Variants in H2BC13 observed in about 807,000 individuals in gnomAD.
The protein encoded by H2BC13 is H2B clustered histone 13.
H2BC13 carries 12 observed loss-of-function variants against 6.3 expected under a neutral mutation model. The observed-to-expected ratio is 1.90, with a 90% CI of 1.22 to 3.08. The LOEUF (loss-of-function observed/expected upper bound fraction) is 3.08. H2BC13 is among the 30% of genes most tolerant of loss of function. The pLI, the probability that H2BC13 is intolerant of heterozygous loss-of-function variation, is 0.00. For missense variants in H2BC13, 164 were observed against 170.4 expected (o/e 0.96, Z 0.21); for synonymous variants, 109 against 74.3 (o/e 1.47, Z -2.40).
rs1760455429 is a variant in H2BC13 at position 27,807,535 on chromosome 6, G to A, written c.372C>T (p.Ser124=). The part of the protein sequence containing the change: ...EGTKAVTKYT[S]SK ...ACAAGAGCTTGAGAATTTACTTGGAGCTGGTGTACTTGGTGACGGCCTTGG... is the reference window on the plus strand; with the variant it reads ...ACAAGAGCTTGAGAATTTACTTGGAACTGGTGTACTTGGTGACGGCCTTGG... The change falls in exon 1 of 1, where the codon AGC becomes AGT. Residue 124 remains serine (S), a synonymous_variant. Coordinates refer to ENST00000377401, the MANE Select transcript of H2BC13 (RefSeq NM_003519.4). The A allele has an allele frequency of 6.2e-7, 1 of 1,614,196 alleles. No homozygotes were observed. Among genetic ancestry groups the A allele is most frequent in the Non-Finnish European group, 8.5e-7 (1 of 1,180,030 alleles).
At position 27,807,526 on chromosome 6, in the gene H2BC13, T is replaced by G; in HGVS notation, c.381A>C (p.Ter127TyrextTer?). ...KAVTKYTSSK[*>Y] Reference sequence around the variant, plus strand: ...TTGGGTTGGACAAGAGCTTGAGAATTTACTTGGAGCTGGTGTACTTGGTGA... The same window carrying G: ...TTGGGTTGGACAAGAGCTTGAGAATGTACTTGGAGCTGGTGTACTTGGTGA... The change falls in exon 1 of 1, where the codon TAA becomes TAC. Residue 127 changes from the stop codon to tyrosine (Y), a stop_lost. Transcript: ENST00000377401. 6.2e-7 allele frequency: 1 copy of G among 1,614,038 alleles called. No homozygotes were observed. The highest frequency in any genetic ancestry group is 2.2e-5 in the East Asian group (1 of 44,890).
At position 27,807,524 on chromosome 6, in the gene H2BC13, A is replaced by AT. The variant is rs746973204; in HGVS notation, c.*1dup. 1.2e-6 allele frequency: 2 copies of AT among 1,613,688 alleles called. No individual in the cohort carries two copies. The highest frequency in any genetic ancestry group is 8.5e-7 in the Non-Finnish European group (1 of 1,179,776). On this transcript the variant is annotated 3_prime_UTR_variant, in exon 1 of 1. Coordinates refer to ENST00000377401, the MANE Select transcript of H2BC13 (RefSeq NM_003519.4). ...CTTTGGGTTGGACAAGAGCTTGAGA[A>AT]TTTACTTGGAGCTGGTGTACTTGGT...
chr6:27,807,909 T>A lies in H2BC13; in HGVS notation c.-3A>T, dbSNP rs1046478297. 6.2e-7 allele frequency: 1 copy of A among 1,613,740 alleles called. No homozygotes were observed. Among genetic ancestry groups the A allele is most frequent in the African/African-American group, 1.3e-5 (1 of 74,856 alleles). ...GCAGACTTGGCCAGCTCGGGCATAA[T>A]GAAACAATAGTGGCAAAACCAAAAC... On this transcript the variant is annotated 5_prime_UTR_variant, in exon 1 of 1. Transcript: ENST00000377401.
At position 27,807,901 on chromosome 6, in the gene H2BC13, G is replaced by C. The variant is rs778250099; in HGVS notation, c.6C>G (p.Pro2=). The C allele has an allele frequency of 4.3e-6, 7 of 1,613,980 alleles. No individual in the cohort carries two copies. Among genetic ancestry groups the C allele is most frequent in the East Asian group, 2.2e-5 (1 of 44,876 alleles). The change falls in exon 1 of 1, where the codon CCC becomes CCG. Residue 2 remains proline (P), a synonymous_variant. Transcript: ENST00000377401. M[P]ELAKSAPAPK... is the part of the protein sequence containing the mutation. ...GGGCGGGAGCAGACTTGGCCAGCTC[G>C]GGCATAATGAAACAATAGTGGCAAA...
rs755169326 is a variant in H2BC13, at chr6:27,807,921, G to T, written c.-15C>A. 1.9e-6 allele frequency: 3 copies of T among 1,611,536 alleles called. No homozygotes were observed. In the Admixed American group the frequency reaches 5.1e-5, roughly 27 times the overall value. On this transcript the variant is annotated 5_prime_UTR_variant, in exon 1 of 1. Coordinates refer to ENST00000377401, the MANE Select transcript of H2BC13 (RefSeq NM_003519.4). ...AGCTCGGGCATAATGAAACAATAGT[G>T]GCAAAACCAAAACAAGAAGTCGGTC...
rs148711105 is a variant in H2BC13, at chr6:27,807,869, T to C, written c.38A>G (p.Lys13Arg). 1.5e-5 allele frequency: 25 copies of C among 1,614,070 alleles called. No individual in the cohort carries two copies. The African/African-American group carries it at 2.8e-4, about 18-fold the overall frequency. The change falls in exon 1 of 1, where the codon AAG (lysine) becomes AGG (arginine). Residue 13 changes from lysine (K) to arginine (R), a missense_variant. By Grantham distance (26) the Lys-to-Arg change is conservative (BLOSUM62 2). Coordinates refer to ENST00000377401, the MANE Select transcript of H2BC13 (RefSeq NM_003519.4). ...CTTGGTCACCGCCTTCTTGGAGCCCTTCTTCGGGGCGGGAGCAGACTTGGC... is the reference window on the plus strand; with the variant it reads ...CTTGGTCACCGCCTTCTTGGAGCCCCTCTTCGGGGCGGGAGCAGACTTGGC... Reference protein sequence around the residue: ...ELAKSAPAPKKGSKKAVTKAQ... With the variant: ...ELAKSAPAPKRGSKKAVTKAQ...
Position 27,807,647 on chromosome 6 carries a change from C to T in H2BC13, c.260G>A (p.Arg87His), listed in dbSNP as rs1561922501. The change falls in exon 1 of 1, where the codon CGC becomes CAC. Residue 87 changes from arginine to histidine, a missense_variant. Physicochemically the swap from Arg to His is conservative, Grantham distance 29. Transcript: ENST00000377401. ...GATCTCCCTGGAGGTGATGGTCGAG[C>T]GCTTGTTGTAGTGCGCCAGGCGGGA... The part of the protein sequence containing the change: ...EASRLAHYNK[R>H]STITSREIQT... The T allele has an allele frequency of 1.2e-6, 2 of 1,614,192 alleles. No individual in the cohort carries two copies. Among genetic ancestry groups the T allele is most frequent in the African/African-American group, 1.3e-5 (1 of 75,054 alleles).
At position 27,807,923 on chromosome 6, in the gene H2BC13, C is replaced by T; in HGVS notation, c.-17G>A. ...CTCGGGCATAATGAAACAATAGTGG[C>T]AAAACCAAAACAAGAAGTCGGTCTC... On this transcript the variant is annotated 5_prime_UTR_variant, in exon 1 of 1. Transcript: ENST00000377401. 6.2e-7 allele frequency: 1 copy of T among 1,611,588 alleles called. No individual in the cohort carries two copies. The highest frequency in any genetic ancestry group is 8.5e-7 in the Non-Finnish European group (1 of 1,179,194).
rs144303836 is a variant in H2BC13, at chr6:27,807,830, T to C, written c.77A>G (p.Asp26Gly). ...GCGGCTGCGCTTGCGCTTCTTGCCA[T>C]CCTTCTTCTGGGCCTTGGTCACCGC... ...KKAVTKAQKKDGKKRKRSRKE... is the reference protein window; with the variant it reads ...KKAVTKAQKKGGKKRKRSRKE... Residue 26 changes from aspartate to glycine, a missense_variant, in exon 1 of 1, where the codon GAT becomes GGT. Coordinates refer to ENST00000377401, the MANE Select transcript of H2BC13 (RefSeq NM_003519.4). 6.2e-7 allele frequency: 1 copy of C among 1,614,212 alleles called. No individual in the cohort carries two copies. Among genetic ancestry groups the C allele is most frequent in the Non-Finnish European group, 8.5e-7 (1 of 1,180,054 alleles).
chr6:27,807,841 G>T lies in H2BC13; in HGVS notation c.66C>A (p.Ala22=). The change falls in exon 1 of 1, where the codon GCC becomes GCA. Residue 22 remains alanine (A), a synonymous_variant. Transcript: ENST00000377401. ...TGCGCTTCTTGCCATCCTTCTTCTGGGCCTTGGTCACCGCCTTCTTGGAGC... is the reference window on the plus strand; with the variant it reads ...TGCGCTTCTTGCCATCCTTCTTCTGTGCCTTGGTCACCGCCTTCTTGGAGC... The part of the protein sequence containing the change: ...KKGSKKAVTK[A]QKKDGKKRKR... The T allele has an allele frequency of 6.2e-7, 1 of 1,614,150 alleles. No individual in the cohort carries two copies. Among genetic ancestry groups the T allele is most frequent in the Non-Finnish European group, 8.5e-7 (1 of 1,179,994 alleles).
In H2BC13 at chr6:27,807,598, A is replaced by C. The variant is rs753169590; in HGVS notation, c.309T>G (p.Leu103=). Reference sequence around the variant, plus strand: ...CCGCGTGCTTGGCCAGCTCCCCCGGAAGCAGCAGGCGCACGGCGGTCTGGA... The same window carrying C: ...CCGCGTGCTTGGCCAGCTCCCCCGGCAGCAGCAGGCGCACGGCGGTCTGGA... ...REIQTAVRLL[L]PGELAKHAVS... The change falls in exon 1 of 1, where the codon CTT becomes CTG. Residue 103 remains leucine (L), a synonymous_variant. Transcript: ENST00000377401. 1.1e-5 allele frequency: 18 copies of C among 1,614,058 alleles called. No homozygotes were observed. Among genetic ancestry groups the C allele is most frequent in the Admixed American group, 3.3e-5 (2 of 60,002 alleles).
Position 27,807,883 on chromosome 6 carries a change from A to G in H2BC13, c.24T>C (p.Ala8=). 6.2e-7 allele frequency: 1 copy of G among 1,613,984 alleles called. No individual in the cohort carries two copies. The highest frequency in any genetic ancestry group is 8.5e-7 in the Non-Finnish European group (1 of 1,180,000). The change falls in exon 1 of 1, where the codon GCT becomes GCC. Residue 8 remains alanine, a synonymous_variant. Transcript: ENST00000377401. MPELAKS[A]PAPKKGSKKA... ...TCTTGGAGCCCTTCTTCGGGGCGGG[A>G]GCAGACTTGGCCAGCTCGGGCATAA...
In H2BC13 at chr6:27,807,833, T is replaced by G. The variant is rs780878778; in HGVS notation, c.74A>C (p.Lys25Thr). ...SKKAVTKAQK[K>T]DGKKRKRSRK... ...GCTGCGCTTGCGCTTCTTGCCATCC[T>G]TCTTCTGGGCCTTGGTCACCGCCTT... is the stretch of plus-strand genomic sequence containing the variant. The change falls in exon 1 of 1, where the codon AAG (lysine) becomes ACG (threonine). Residue 25 changes from lysine to threonine, a missense_variant. Coordinates refer to ENST00000377401, the MANE Select transcript of H2BC13 (RefSeq NM_003519.4). 2 of 1,614,188 alleles carry G rather than the reference T, an allele frequency of 1.2e-6. No homozygotes were observed. The highest frequency in any genetic ancestry group is 3.3e-5 in the Admixed American group (2 of 60,030).
In H2BC13 at chr6:27,807,751, G is replaced by A. The variant is rs1561922580; in HGVS notation, c.156C>T (p.Asp52=). Residue 52 remains aspartate (D), a synonymous_variant, in exon 1 of 1, where the codon GAC becomes GAT. Coordinates refer to ENST00000377401, the MANE Select transcript of H2BC13 (RefSeq NM_003519.4). ...CCATGGCCTTAGAAGAGATGCCGGT[G>A]TCGGGGTGGACCTGCTTCAGCACCT... The part of the protein sequence containing the change: ...VYKVLKQVHP[D]TGISSKAMGI... 1 of 1,614,262 alleles carries A rather than the reference G, an allele frequency of 6.2e-7. No homozygotes were observed. The highest frequency in any genetic ancestry group is 8.5e-7 in the Non-Finnish European group (1 of 1,180,046).
Position 27,807,725 on chromosome 6 carries a change from C to T in H2BC13, c.182G>A (p.Gly61Glu). ...GTCGTTGACGAAGGAGTTCATGATT[C>T]CCATGGCCTTAGAAGAGATGCCGGT... ...PDTGISSKAM[G>E]IMNSFVNDIF... The change falls in exon 1 of 1, where the codon GGA (glycine) becomes GAA (glutamate). Residue 61 changes from glycine to glutamate, a missense_variant. Physicochemically the swap from Gly to Glu is moderately conservative, Grantham distance 98. Coordinates refer to ENST00000377401, the MANE Select transcript of H2BC13 (RefSeq NM_003519.4). 1 of 1,614,240 alleles carries T rather than the reference C, an allele frequency of 6.2e-7. No homozygotes were observed. Among genetic ancestry groups the T allele is most frequent in the Non-Finnish European group, 8.5e-7 (1 of 1,180,042 alleles).
In H2BC13 at chr6:27,807,900, C is replaced by G. The variant is rs952848945; in HGVS notation, c.7G>C (p.Glu3Gln). Residue 3 changes from glutamate to glutamine, a missense_variant, in exon 1 of 1, where the codon GAG (glutamate) becomes CAG (glutamine). By Grantham distance (29) the Glu-to-Gln change is conservative. Coordinates refer to ENST00000377401, the MANE Select transcript of H2BC13 (RefSeq NM_003519.4). ...GGGGCGGGAGCAGACTTGGCCAGCT[C>G]GGGCATAATGAAACAATAGTGGCAA... MP[E>Q]LAKSAPAPKK... 3 of 1,613,972 alleles carry G rather than the reference C, an allele frequency of 1.9e-6. No individual in the cohort carries two copies. The highest frequency in any genetic ancestry group is 2.7e-5 in the African/African-American group (2 of 74,878).
At position 27,807,919 on chromosome 6, in the gene H2BC13, G is replaced by C. The variant is rs200485; in HGVS notation, c.-13C>G. The C allele has an allele frequency of 0.12, 196,350 of 1,612,790 alleles. 13,145 individuals are homozygous for C. Among genetic ancestry groups the C allele is most frequent in the African/African-American group, 0.2 (15,303 of 74,820 alleles). ...CCAGCTCGGGCATAATGAAACAATA[G>C]TGGCAAAACCAAAACAAGAAGTCGG... is the stretch of plus-strand genomic sequence containing the variant. On this transcript the variant is annotated 5_prime_UTR_variant, in exon 1 of 1. Coordinates refer to ENST00000377401, the MANE Select transcript of H2BC13 (RefSeq NM_003519.4).
Position 27,807,910 on chromosome 6 carries a change from G to A in H2BC13, c.-4C>T, listed in dbSNP as rs1760472869. The A allele has an allele frequency of 6.2e-7, 1 of 1,613,632 alleles. No homozygotes were observed. Among genetic ancestry groups the A allele is most frequent in the South Asian group, 1.1e-5 (1 of 91,048 alleles). On this transcript the variant is annotated 5_prime_UTR_variant, in exon 1 of 1. Transcript: ENST00000377401. ...CAGACTTGGCCAGCTCGGGCATAAT[G>A]AAACAATAGTGGCAAAACCAAAACA...
At position 27,807,658 on chromosome 6, in the gene H2BC13, G is replaced by A. The variant is rs147149614; in HGVS notation, c.249C>T (p.His83=). The A allele has an allele frequency of 1.6e-4, 259 of 1,614,254 alleles. No homozygotes were observed. In the East Asian group the frequency reaches 3.4e-3, roughly 21 times the overall value. Residue 83 remains histidine (H), a synonymous_variant, in exon 1 of 1, where the codon CAC becomes CAT. Coordinates refer to ENST00000377401, the MANE Select transcript of H2BC13 (RefSeq NM_003519.4). The part of the protein sequence containing the change: ...RIASEASRLA[H]YNKRSTITSR... Reference sequence around the variant, plus strand: ...AGGTGATGGTCGAGCGCTTGTTGTAGTGCGCCAGGCGGGAAGCCTCGCTTG... The same window carrying A: ...AGGTGATGGTCGAGCGCTTGTTGTAATGCGCCAGGCGGGAAGCCTCGCTTG...
Sources: gnomAD v4.1 joint callset for allele counts on GRCh38, gnomAD v4.1.1 for gene constraint, MANE v1.5 for transcripts, NCBI Gene and HGNC (gene_info 2026-07-23, HGNC 2026-07-21) for gene names.